GREM2: variants seen among roughly 807,000 people sequenced by gnomAD.
GREM2 encodes gremlin 2, DAN family BMP antagonist.
In GREM2, 11 loss-of-function variants were observed where a neutral mutation model predicts 14.2. That is an observed-to-expected ratio of 0.78 (90% confidence interval 0.49 to 1.28). The LOEUF (loss-of-function observed/expected upper bound fraction) is 1.28, where lower values mean the gene tolerates loss of function less well. GREM2 is among the 50% of genes most tolerant of loss of function. The pLI is 0.00. For synonymous variants in GREM2, 98 were observed against 97.6 expected (o/e 1.00, Z -0.02); for missense variants, 210 against 218.5 (o/e 0.96, Z 0.24).
chr1:240,577,805 G>A (rs72752871), intron 1 of GREM2, among the ~76,000 whole-genome samples: 3,997 of 152,264 alleles, frequency 0.026, 74 homozygotes, highest in Middle Eastern at 0.054. Flanking sequence ...ATTTTAGCCT[G>A]TAGGTTTATG....
intron 1 of GREM2, among the ~76,000 whole-genome samples, chr1:240,581,625 G>A (rs1331844021): frequency 5.9e-5 from 9 of 152,090 alleles, no homozygotes; most frequent in Non-Finnish European, 2.9e-5. Flanking sequence ...TTATTTTTCT[G>A]AATTGTGTTG....
In GREM2 at chr1:240,509,011, G is replaced by A. The variant is rs1005802451; in HGVS notation, c.-1-15535C>T. Among the ~76,000 whole-genome samples, 7 of 152,320 alleles carry A rather than the reference G, an allele frequency of 4.6e-5. No homozygotes were observed. The East Asian group carries it at 5.8e-4, about 13-fold the overall frequency. The stretch of plus-strand genomic sequence containing the variant: ...GGACCAGAGACTAATGCAGTGATAC[G>A]TAGCAATCAGTGTTAGAGTTAATTG... On this transcript the variant is annotated intron_variant, in intron 1 of 1. Coordinates refer to ENST00000318160, the MANE Select transcript of GREM2 (RefSeq NM_022469.4).
At chr1:240,603,205 C>A (rs1004358136) in intron 1 of GREM2, among the ~76,000 whole-genome samples, 4 of 152,190 alleles carry the variant, frequency 2.6e-5, no homozygotes, top group Non-Finnish European at 5.9e-5. Flanking sequence ...TCATCAACTG[C>A]GGCCTTGAGC....
intron 1 of GREM2, among the ~76,000 whole-genome samples, chr1:240,587,214 C>T (rs1679616047): frequency 6.6e-6 from 1 of 152,104 alleles, no homozygotes; most frequent in Non-Finnish European, 1.5e-5. Flanking sequence ...CACACACTGT[C>T]TATATAAATA....
intron 1 of GREM2, among the ~76,000 whole-genome samples, chr1:240,546,595 A>C (rs139778696): frequency 6.6e-6 from 1 of 152,318 alleles, no homozygotes; most frequent in East Asian, 1.9e-4. Flanking sequence ...GTTAGATTGA[A>C]CTAAATTCTG....
At chr1:240,567,331 G>A (rs1405086167) in intron 1 of GREM2, among the ~76,000 whole-genome samples, 2 of 151,890 alleles carry the variant, frequency 1.3e-5, no homozygotes, top group African/African-American at 2.4e-5. Context: ...ACAGATCCAA[G>A]AATCCCAATG....
intron 1 of GREM2, among the ~76,000 whole-genome samples, chr1:240,588,103 G>C (rs955936941): frequency 6.6e-6 from 1 of 152,178 alleles, no homozygotes; most frequent in African/African-American, 2.4e-5. Flanking sequence ...CAGATGTGGA[G>C]TACAAATATC....
intron 1 of GREM2, among the ~76,000 whole-genome samples, chr1:240,563,194 AGTGTGT>A (rs761054784): frequency 6.8e-6 from 1 of 147,886 alleles, no homozygotes; most frequent in Non-Finnish European, 1.5e-5. Context: ...TACGTGTGTG[AGTGTGT>A]GTAAGTGAGT....
intron 1 of GREM2, among the ~76,000 whole-genome samples, chr1:240,549,585 G>A (rs1217104213): frequency 1.3e-5 from 2 of 152,148 alleles, no homozygotes; most frequent in African/African-American, 2.4e-5. Context: ...TTTAAAAGAA[G>A]GTGGGGTTCC....
chr1:240,580,913 G>A (rs1427908407), intron 1 of GREM2, among the ~76,000 whole-genome samples: 1 of 152,150 alleles, frequency 6.6e-6, no homozygotes, highest in Non-Finnish European at 1.5e-5. Context: ...GAACATTTGT[G>A]TTTAAGAATA....
At position 240,612,145 on chromosome 1, in the gene GREM2, G is replaced by A. The variant is rs1680153634; in HGVS notation, c.-263C>T. ...CCTGCAGATGTGAAAGGAGCCCGGA[G>A]ACTTAGCTCTGAATCCTCTCGGCGC... On this transcript the variant is annotated 5_prime_UTR_variant, in exon 1 of 2. Coordinates refer to ENST00000318160, the MANE Select transcript of GREM2 (RefSeq NM_022469.4). The A allele has an allele frequency of 6.6e-6, 1 of 152,446 alleles. No individual in the cohort carries two copies. The highest frequency in any genetic ancestry group is 1.5e-5 in the Non-Finnish European group (1 of 68,074). 9.4% of individuals were successfully genotyped at this position (152,446 alleles called of 1,614,324 possible).
chr1:240,531,605 A>T (rs2103315091), intron 1 of GREM2: 1 of 977,098 alleles, frequency 1.0e-6, no homozygotes, highest in Admixed American at 6.1e-5. Flanking sequence ...GTGTGTGGTT[A>T]TGTGGCGAGG....
chr1:240,515,579 A>G (rs565085565), intron 1 of GREM2, among the ~76,000 whole-genome samples: 1 of 152,324 alleles, frequency 6.6e-6, no homozygotes, highest in South Asian at 2.1e-4. Flanking sequence ...TTTTGAGATT[A>G]CATGAGGTTG....
chr1:240,540,848 A>C lies in GREM2; in HGVS notation c.-1-47372T>G, dbSNP rs1038560691. ...AGTGCTGGGATTACAGGTGTGAGCCACCACGCCAGGCCGCATAATACTTCT... is the reference window on the plus strand; with the variant it reads ...AGTGCTGGGATTACAGGTGTGAGCCCCCACGCCAGGCCGCATAATACTTCT... On this transcript the variant is annotated intron_variant, in intron 1 of 1. Coordinates refer to ENST00000318160, the MANE Select transcript of GREM2 (RefSeq NM_022469.4). This position sits in a 1 kb window ranked among gnomAD's most constrained non-coding sequence, Gnocchi z 4.2. 2.5e-4 allele frequency among the ~76,000 whole-genome samples: 38 copies of C among 152,310 alleles called. No homozygotes were observed. The highest frequency in any genetic ancestry group is 8.7e-4 in the African/African-American group (36 of 41,576).
At chr1:240,501,074 A>G (rs930953966) in intron 1 of GREM2, among the ~76,000 whole-genome samples, 2 of 152,208 alleles carry the variant, frequency 1.3e-5, no homozygotes, top group African/African-American at 4.8e-5. Flanking sequence ...TCTTATGATG[A>G]TTTTAATTTG....
At position 240,492,867 on chromosome 1, in the gene GREM2, C is replaced by T. The variant is rs1052899134; in HGVS notation, c.*102G>A. 6.1e-5 allele frequency: 71 copies of T among 1,172,248 alleles called. No homozygotes were observed. In the African/African-American group the frequency reaches 8.9e-4, roughly 15 times the overall value. The allele number at this position is 1,172,248 out of a possible 1,614,324, so 72.6% of individuals were successfully genotyped here. On this transcript the variant is annotated 3_prime_UTR_variant, in exon 2 of 2. Coordinates refer to ENST00000318160, the MANE Select transcript of GREM2 (RefSeq NM_022469.4). ...AAGTGCTTGCTGCTGAGGGGGAACA[C>T]CAGGCAGCGTGACAGTGGGCTCGGA...
intron 1 of GREM2, among the ~76,000 whole-genome samples, chr1:240,570,655 C>A (rs574064877): frequency 2.0e-5 from 3 of 152,138 alleles, no homozygotes; most frequent in Admixed American, 1.3e-4. Flanking sequence ...TTTACACAGG[C>A]GGTCTTTAAA....
At chr1:240,557,583 A>AT (rs1222492179) in intron 1 of GREM2, among the ~76,000 whole-genome samples, 2 of 152,034 alleles carry the variant, frequency 1.3e-5, no homozygotes, top group African/African-American at 2.4e-5. Context: ...TAATGAATCT[A>AT]TTTTTTTGTT....
chr1:240,510,425 T>C (rs1355463163), intron 1 of GREM2, among the ~76,000 whole-genome samples: 2 of 123,512 alleles, frequency 1.6e-5, no homozygotes, highest in Admixed American at 1.7e-4. Context: ...AATATGTCAA[T>C]CCACAGGGAC....
Sources: gnomAD v4.1 joint callset for allele counts (sites outside exome capture counted in the v4.1 genomes callset) on GRCh38, gnomAD v4.1.1 for gene constraint, Gnocchi (gnomAD v3.1) non-coding constraint, MANE v1.5 for transcripts, NCBI Gene and HGNC (gene_info 2026-07-23, HGNC 2026-07-21) for gene names.